The following NPSR1 variants were observed in gnomAD, a reference collection of about 807,000 sequenced individuals.
NPSR1 encodes the protein neuropeptide S receptor 1.
In NPSR1, 48 loss-of-function variants were observed where a neutral mutation model predicts 46.9. That is an observed-to-expected ratio of 1.02 (90% CI 0.81 to 1.30). NPSR1 has a LOEUF of 1.30. Among genes scored for constraint, NPSR1 ranks in the 50% most tolerant of loss-of-function variants. The pLI is 0.00. For synonymous variants in NPSR1, 176 were observed against 168.1 expected, an observed-to-expected ratio of 1.05 and a Z score of -0.36; for missense variants, 450 against 449.5, an observed-to-expected ratio of 1.00 and a Z score of -0.01.
At chr7:34,762,532 G>A (rs898432504) in intron 2 of NPSR1, among the ~76,000 whole-genome samples, 3 of 152,112 alleles carry the variant, frequency 2.0e-5, no homozygotes, top group African/African-American at 7.2e-5. Context: ...AGTGTTCTCA[G>A]CATTCAGTGT....
At position 34,660,811 on chromosome 7, in the gene NPSR1, C is replaced by G. The variant is rs932097029; in HGVS notation, c.147+2252C>G. The stretch of plus-strand genomic sequence containing the variant: ...TCTCAATTTTACCCAGTCTATAAAG[C>G]TCAGCTTGGGTTGCTTCCTCCATGA... On this transcript the variant is annotated intron_variant, in intron 1 of 8. Coordinates refer to ENST00000360581, the MANE Select transcript of NPSR1 (RefSeq NM_207172.2). Among the ~76,000 whole-genome samples the G allele has an allele frequency of 5.9e-5, 9 of 152,142 alleles. 1 individual carries two copies. The highest frequency in any genetic ancestry group is 2.2e-4 in the African/African-American group (9 of 41,416).
downstream of NPSR1, among the ~76,000 whole-genome samples, chr7:34,854,708 A>G (rs965940791): frequency 6.6e-6 from 1 of 152,204 alleles, no homozygotes; most frequent in Non-Finnish European, 1.5e-5. Flanking sequence ...AAAATTCACA[A>G]CCCTAATGGG....
intron 4 of NPSR1, among the ~76,000 whole-genome samples, chr7:34,814,055 G>T (rs1309237490): frequency 2.6e-5 from 4 of 152,234 alleles, no homozygotes; most frequent in Non-Finnish European, 5.9e-5. Context: ...CACTGGGACT[G>T]GTTGGACAGT....
intron 4 of NPSR1, among the ~76,000 whole-genome samples, chr7:34,813,803 T>C (rs1049997631): frequency 6.6e-6 from 1 of 152,268 alleles, no homozygotes; most frequent in African/African-American, 2.4e-5. Flanking sequence ...TGGTAATTTT[T>C]ACATGAAGAA....
chr7:34,859,137 A>C (rs1791124764), intron 8 of NPSR1, among the ~76,000 whole-genome samples: 1 of 151,698 alleles, frequency 6.6e-6, no homozygotes, highest in Non-Finnish European at 1.5e-5. Flanking sequence ...GACAGCTGAA[A>C]GATCCTTCTC....
intron 8 of NPSR1, among the ~76,000 whole-genome samples, chr7:34,874,018 G>A (rs1270938709): frequency 6.6e-6 from 1 of 151,610 alleles, no homozygotes; most frequent in East Asian, 1.9e-4. Flanking sequence ...GCTGGCAAGA[G>A]CCCTAATGAT....
intron 2 of NPSR1, among the ~76,000 whole-genome samples, chr7:34,749,965 T>C (rs1376612448): frequency 6.6e-6 from 1 of 152,152 alleles, no homozygotes; most frequent in African/African-American, 2.4e-5. Context: ...GAGATGCAGA[T>C]GAACTGGGGA....
At chr7:34,803,483 C>T (rs1335364118) in intron 3 of NPSR1, among the ~76,000 whole-genome samples, 3 of 151,582 alleles carry the variant, frequency 2.0e-5, no homozygotes, top group South Asian at 2.1e-4. Flanking sequence ...AATCAAACAC[C>T]GCAGGTTCGC....
chr7:34,723,476 T>C (rs1252381195), intron 2 of NPSR1: 1 of 152,218 alleles, frequency 6.6e-6, no homozygotes, highest in Non-Finnish European at 1.5e-5. Context: ...CAAAGCATCC[T>C]TTCTGTGCAG....
At chr7:34,711,592 A>G (rs746013678) in intron 2 of NPSR1, 1 of 152,224 alleles carries the variant, frequency 6.6e-6, no homozygotes, top group Non-Finnish European at 1.5e-5. Context: ...CACACCAAAG[A>G]TTCTGATTTA....
intron 2 of NPSR1, chr7:34,685,797 A>T (rs1792898964): frequency 3.1e-6 from 1 of 326,900 alleles, no homozygotes; most frequent in Non-Finnish European, 5.8e-6. Context: ...GCCAGGGTAA[A>T]CATCCAAGGC....
rs561062802 is a variant in NPSR1, at chr7:34,734,081, T to C, written c.281-44381T>C. ...AGGACAGATGGGAAAGAAACCAGAT[T>C]GGAGGAGGCAGGTTGACAACTTAGG... On this transcript the variant is annotated intron_variant, in intron 2 of 8. Transcript: ENST00000360581. Among the ~76,000 whole-genome samples, 3 of 152,226 alleles carry C rather than the reference T, an allele frequency of 2.0e-5. No homozygotes were observed. The East Asian group carries it at 5.8e-4, about 29-fold the overall frequency.
At chr7:34,772,870 A>G (rs1293111405) in intron 2 of NPSR1, among the ~76,000 whole-genome samples, 3 of 152,114 alleles carry the variant, frequency 2.0e-5, no homozygotes, top group African/African-American at 7.2e-5. Flanking sequence ...TCCATCTGCT[A>G]GTCACTACCA....
rs183546108 is a variant in NPSR1 at position 34,814,583 on chromosome 7, G to T, written c.478+2720G>T. Among the ~76,000 whole-genome samples the T allele has an allele frequency of 4.6e-5, 7 of 152,344 alleles. No homozygotes were observed. The East Asian group carries it at 1.4e-3, about 29-fold the overall frequency. ...TTTGAGCTCTGAGAATGGACAGACT[G>T]CCTCCTCAAGTGGGTCCCTGACACC... On this transcript the variant is annotated intron_variant, in intron 4 of 8. Transcript: ENST00000360581.
In NPSR1 at chr7:34,672,379, G is replaced by A. The variant is rs370785898; in HGVS notation, c.148-12173G>A. ...GAACAAATTGCAAGAAGAGATTCAC[G>A]TTAAAATGATTGCAGAACATTGGCA... On this transcript the variant is annotated intron_variant, in intron 1 of 8. Coordinates refer to ENST00000360581, the MANE Select transcript of NPSR1 (RefSeq NM_207172.2). 5.3e-5 allele frequency among the ~76,000 whole-genome samples: 8 copies of A among 152,310 alleles called. No homozygotes were observed. The East Asian group carries it at 1.2e-3, about 22-fold the overall frequency.
At chr7:34,735,577 T>C (rs1465910285) in intron 2 of NPSR1, among the ~76,000 whole-genome samples, 1 of 152,260 alleles carries the variant, frequency 6.6e-6, no homozygotes, top group Non-Finnish European at 1.5e-5. Context: ...GTGAGAGCTA[T>C]CTGCTCAGAA....
chr7:34,666,159 T>C (rs887907811), intron 1 of NPSR1, among the ~76,000 whole-genome samples: 4 of 152,332 alleles, frequency 2.6e-5, no homozygotes, highest in Non-Finnish European at 5.9e-5. Context: ...CAGTAAGCCA[T>C]GTTCTATATT....
chr7:34,809,739 G>T (rs193243961), intron 3 of NPSR1, among the ~76,000 whole-genome samples: 12 of 152,078 alleles, frequency 7.9e-5, no homozygotes, highest in Non-Finnish European at 1.5e-4. Flanking sequence ...CTGGGATTAA[G>T]CTTCATATTC....
chr7:34,665,563 G>A (rs1562636645), intron 1 of NPSR1, among the ~76,000 whole-genome samples: 2 of 152,130 alleles, frequency 1.3e-5, no homozygotes, highest in Non-Finnish European at 2.9e-5. Context: ...ACGTTGTACT[G>A]ACTGTCTTAC....
Sources: gnomAD v4.1 joint callset for allele counts (sites outside exome capture counted in the v4.1 genomes callset) on GRCh38, gnomAD v4.1.1 for gene constraint, MANE v1.5 for transcripts, NCBI Gene and HGNC (gene_info 2026-07-23, HGNC 2026-07-21) for gene names.